The following PDE8B variants were observed in gnomAD, a reference collection of about 807,000 sequenced individuals.
PDE8B encodes the protein phosphodiesterase 8B.
PDE8B carries 26 observed loss-of-function variants against 101.3 expected under a neutral mutation model. The observed-to-expected ratio is 0.26, with a 90% CI of 0.19 to 0.36. The LOEUF (loss-of-function observed/expected upper bound fraction) is 0.36, where lower values mean the gene tolerates loss of function less well. Ranked by LOEUF, PDE8B falls within the 10% of genes least tolerant of loss-of-function variation. PDE8B has a pLI of 1.00. For synonymous variants in PDE8B, 424 were observed against 429.3 expected (o/e 0.99, Z 0.15); for missense variants, 810 against 1,163.1 (o/e 0.70, Z 4.42).
intron 10 of PDE8B, among the ~76,000 whole-genome samples, chr5:77,392,342 A>G (rs1790116799): frequency 6.6e-6 from 1 of 152,186 alleles, no homozygotes; most frequent in Admixed American, 6.5e-5. Context: ...TCTAGTTGTC[A>G]GAAAGGAACA....
intron 5 of PDE8B, among the ~76,000 whole-genome samples, chr5:77,333,585 T>C (rs1322498699): frequency 1.3e-5 from 2 of 152,126 alleles, no homozygotes; most frequent in Non-Finnish European, 2.9e-5. Context: ...TGCTGTTGAG[T>C]GTCCTTTTGG....
chr5:77,400,263 C>T lies in PDE8B; in HGVS notation c.1183C>T (p.Arg395Cys), dbSNP rs778969486. The change falls in exon 11 of 22, where the codon CGT becomes TGT. Residue 395 changes from arginine (R) to cysteine (C), a missense_variant. Physicochemically the swap from Arg to Cys is radical, Grantham distance 180. This residue lies in a region of PDE8B where 75 missense variants were observed against 76.9 expected (regional missense o/e 0.98). Transcript: ENST00000264917. ...ACGACTTTAGATTCACAAGATTCAT[C>T]GTGATTCAGGAGACAATTCTCAGAC... ...DNNKQIHKIH[R>C]DSGDNSQTEP... is the part of the protein sequence containing the mutation. 12 of 1,602,516 alleles carry T rather than the reference C, an allele frequency of 7.5e-6. No homozygotes were observed. Among genetic ancestry groups the T allele is most frequent in the Non-Finnish European group, 8.5e-6 (10 of 1,169,612 alleles).
chr5:77,408,369 CTTTGA>C (rs1486058349), intron 13 of PDE8B, among the ~76,000 whole-genome samples: 1 of 149,942 alleles, frequency 6.7e-6, no homozygotes, highest in Non-Finnish European at 1.5e-5. Context: ...CAGCTTTTGT[CTTTGA>C]TTTTTTTGTT....
intron 18 of PDE8B, 68 bp from the exon 19 acceptor site, chr5:77,419,699 A>G (rs951809438): frequency 1.3e-6 from 2 of 1,587,188 alleles, no homozygotes; most frequent in South Asian, 1.1e-5. Context: ...GTGTAGTGAA[A>G]TGGTGGCAGA....
At chr5:77,330,131 T>C (rs1053434687) in intron 4 of PDE8B, among the ~76,000 whole-genome samples, 1 of 152,178 alleles carries the variant, frequency 6.6e-6, no homozygotes, top group Non-Finnish European at 1.5e-5. Flanking sequence ...AACTGAGACA[T>C]AAGATCAGCA....
chr5:77,400,242 CT>C lies in PDE8B; in HGVS notation c.1168-3del. ...CTTGTTTTATCAAACTTTTGAACGACTTTAGATTCACAAGATTCATCGTGAT... is the reference window on the plus strand; with the variant it reads ...CTTGTTTTATCAAACTTTTGAACGACTTAGATTCACAAGATTCATCGTGAT... On this transcript the variant is annotated splice_polypyrimidine_tract_variant and splice_region_variant and intron_variant, in intron 10 of 21. Coordinates refer to ENST00000264917, the MANE Select transcript of PDE8B (RefSeq NM_003719.5). The C allele has an allele frequency of 6.3e-7, 1 of 1,593,118 alleles. No individual in the cohort carries two copies. The highest frequency in any genetic ancestry group is 8.6e-7 in the Non-Finnish European group (1 of 1,160,930).
chr5:77,151,673 T>A, the PDE8B span, among the ~76,000 whole-genome samples: 1 of 152,330 alleles, frequency 6.6e-6, no homozygotes, highest in South Asian at 2.1e-4. Flanking sequence ...TTAGATAACA[T>A]GCCTAAGATC....
At chr5:77,258,720 T>C (rs991945793) in intron 1 of PDE8B, among the ~76,000 whole-genome samples, 1 of 152,170 alleles carries the variant, frequency 6.6e-6, no homozygotes, top group Non-Finnish European at 1.5e-5. Flanking sequence ...TATTAAAAAG[T>C]TCAGTCTGAT....
At chr5:77,421,632 T>C (rs1796662913) in intron 19 of PDE8B, among the ~76,000 whole-genome samples, 189 bp from the exon 20 acceptor site, 1 of 152,192 alleles carries the variant, frequency 6.6e-6, no homozygotes, top group African/African-American at 2.4e-5. Context: ...TAAGACTGTA[T>C]CAGTATATTC....
Position 77,224,715 on chromosome 5 carries a change from T to C in PDE8B, c.339+13451T>C, listed in dbSNP as rs543788598. Among the ~76,000 whole-genome samples the C allele has an allele frequency of 8.9e-4, 135 of 152,326 alleles. 1 individual carries two copies. Among genetic ancestry groups the C allele is most frequent in the Non-Finnish European group, 1.3e-3 (90 of 68,020 alleles). On this transcript the variant is annotated intron_variant, in intron 1 of 21. Coordinates refer to ENST00000264917, the MANE Select transcript of PDE8B (RefSeq NM_003719.5). ...TTTTTTAATCATCTTTCAAATAAGA[T>C]CTAGCTATTGCAATCAATTGATATG...
chr5:77,327,623 C>T (rs1449997249), intron 3 of PDE8B, among the ~76,000 whole-genome samples: 2 of 152,148 alleles, frequency 1.3e-5, no homozygotes, highest in Non-Finnish European at 2.9e-5. Flanking sequence ...ACTGGTATTT[C>T]CACTGAGTAT....
the PDE8B span, among the ~76,000 whole-genome samples, chr5:77,138,358 C>T: frequency 6.6e-6 from 1 of 152,128 alleles, no homozygotes; most frequent in Non-Finnish European, 1.5e-5. Context: ...TCCCTCTTGT[C>T]CCTCAGGGTG....
At chr5:77,423,971 G>T (rs987333522) in intron 20 of PDE8B, among the ~76,000 whole-genome samples, 2 of 151,810 alleles carry the variant, frequency 1.3e-5, no homozygotes, top group African/African-American at 4.8e-5. Context: ...TTGGCTGCTT[G>T]TGTGTCGTCT....
chr5:77,425,943 A>G (rs1399180494), intron 21 of PDE8B, 47 bp downstream of exon 21: 22 of 1,569,280 alleles, frequency 1.4e-5, no homozygotes, highest in Non-Finnish European at 1.9e-5. Flanking sequence ...GTTATACTTT[A>G]CGAATATTAT....
intron 1 of PDE8B, among the ~76,000 whole-genome samples, chr5:77,233,114 G>C (rs1428596995): frequency 1.3e-5 from 2 of 151,898 alleles, no homozygotes; most frequent in African/African-American, 4.8e-5. Flanking sequence ...CTCGGCTCCT[G>C]AGCTTATAAG....
the PDE8B span, among the ~76,000 whole-genome samples, chr5:77,132,344 T>A: frequency 6.6e-6 from 1 of 152,222 alleles, no homozygotes; most frequent in Non-Finnish European, 1.5e-5. Context: ...ACCTTGAATA[T>A]TGTCTGGTGA....
the PDE8B span, among the ~76,000 whole-genome samples, chr5:77,107,912 A>G: frequency 6.6e-6 from 1 of 152,252 alleles, no homozygotes; most frequent in East Asian, 1.9e-4. Context: ...TTATACAGGG[A>G]ATTCGTATTC....
At chr5:77,404,588 T>G in intron 11 of PDE8B, 132 bp from the exon 12 acceptor site, 1 of 644,246 alleles carries the variant, frequency 1.6e-6, no homozygotes, top group African/African-American at 1.8e-5. Context: ...GTTGACTGTT[T>G]CTTAAAATTA....
chr5:77,096,346 C>G, the PDE8B span, among the ~76,000 whole-genome samples: 134 of 152,292 alleles, frequency 8.8e-4, no homozygotes, highest in Non-Finnish European at 1.4e-3. Flanking sequence ...TTACCATTCC[C>G]TAGCTTCTGG....
Sources: gnomAD v4.1 joint callset for allele counts (sites outside exome capture counted in the v4.1 genomes callset) on GRCh38, gnomAD v4.1.1 for gene constraint, gnomAD v4.1.1 regional missense constraint, MANE v1.5 for transcripts, NCBI Gene and HGNC (gene_info 2026-07-23, HGNC 2026-07-21) for gene names.